The following TJP2 variants were observed in gnomAD, a reference collection of about 807,000 sequenced individuals.
TJP2 encodes the protein tight junction protein 2.
Under a neutral mutation model 133.1 loss-of-function variants are expected in TJP2, and 91 were observed. The observed-to-expected ratio is 0.68, with a 90% CI of 0.58 to 0.81. TJP2 has a LOEUF of 0.81. TJP2 is among the 40% of genes least tolerant of loss of function. The pLI, the probability that TJP2 is intolerant of heterozygous loss-of-function variation, is 0.00. For synonymous variants in TJP2, 592 were observed against 583.4 expected (o/e 1.01, Z -0.21); for missense variants, 1,541 against 1,565.6 (o/e 0.98, Z 0.26).
At chr9:69,183,489 C>T (rs760078371) in intron 1 of TJP2, among the ~76,000 whole-genome samples, 3 of 152,140 alleles carry the variant, frequency 2.0e-5, no homozygotes, top group Non-Finnish European at 2.9e-5. Context: ...GAAATTCATC[C>T]GTATTTGTTG....
At chr9:69,129,745 C>G (rs915727230) in intron 1 of TJP2, among the ~76,000 whole-genome samples, 2 of 151,722 alleles carry the variant, frequency 1.3e-5, no homozygotes, top group Non-Finnish European at 2.9e-5. Context: ...GAGACCAAAG[C>G]CAGGCTCACG....
chr9:69,122,930 A>G (rs957026952), intron 1 of TJP2, among the ~76,000 whole-genome samples: 4 of 152,088 alleles, frequency 2.6e-5, no homozygotes, highest in Non-Finnish European at 4.4e-5. Context: ...CTGTTATTCT[A>G]GTTGCTGATA....
intron 2 of TJP2, among the ~76,000 whole-genome samples, chr9:69,158,779 C>T (rs1281437286): frequency 6.6e-6 from 1 of 152,080 alleles, no homozygotes; most frequent in African/African-American, 2.4e-5. Flanking sequence ...ATTTCCATTT[C>T]ATCTGATAAA....
At chr9:69,164,350 C>T (rs1824239799) in intron 2 of TJP2, among the ~76,000 whole-genome samples, 2 of 152,150 alleles carry the variant, frequency 1.3e-5, no homozygotes, top group Non-Finnish European at 1.5e-5. Context: ...AGAGGGCCCT[C>T]TGGTTTCCCC....
rs1003993737 is a variant in TJP2, at chr9:69,162,845, T to C, written c.-10+11074T>C. ...ACTTTACCACTTTTTGGTGATCTACTTACTGCATAGTTTGAGTGAATAAAC... is the reference window on the plus strand; with the variant it reads ...ACTTTACCACTTTTTGGTGATCTACCTACTGCATAGTTTGAGTGAATAAAC... On this transcript the variant is annotated intron_variant, in intron 2 of 5. Transcript: ENST00000423935. Among the ~76,000 whole-genome samples, 15 of 152,340 alleles carry C rather than the reference T, an allele frequency of 9.8e-5. No individual in the cohort carries two copies. The South Asian group carries it at 2.7e-3, about 27-fold the overall frequency.
At position 69,254,778 on chromosome 9, in the gene TJP2, T is replaced by C; in HGVS notation, c.*404T>C. The C allele has an allele frequency of 2.1e-6, 1 of 484,740 alleles. No homozygotes were observed. Among genetic ancestry groups the C allele is most frequent in the East Asian group, 3.0e-5 (1 of 33,068 alleles). 30.0% of individuals were successfully genotyped at this position (484,740 alleles called of 1,614,324 possible). A position where few individuals can be genotyped will look rare whatever the true frequency, so the allele number is the denominator to read the frequency against. Reference sequence around the variant, plus strand: ...AATGTGAAAAAGGAATAAAAAATACTGTTGGGCTCAAACTAAATTCAAAGA... The same window carrying C: ...AATGTGAAAAAGGAATAAAAAATACCGTTGGGCTCAAACTAAATTCAAAGA... On this transcript the variant is annotated 3_prime_UTR_variant, in exon 23 of 23. Coordinates refer to ENST00000377245, the MANE Select transcript of TJP2 (RefSeq NM_004817.4).
At position 69,235,840 on chromosome 9, in the gene TJP2, A is replaced by G. The variant is rs112646831; in HGVS notation, c.1781-188A>G. Among the ~76,000 whole-genome samples the G allele has an allele frequency of 0.017, 2,609 of 152,272 alleles. 44 individuals carry two copies. The highest frequency in any genetic ancestry group is 0.037 in the Middle Eastern group (11 of 294). ...GCCCAGTCAAGTTGAAATAAAATTA[A>G]CCATTGCAGCAAGCCGTGAAGCTGG... On this transcript the variant is annotated intron_variant, in intron 12 of 22. Coordinates refer to ENST00000377245, the MANE Select transcript of TJP2 (RefSeq NM_004817.4).
intron 9 of TJP2, 141 bp from the exon 10 acceptor site, chr9:69,229,043 C>T (rs1032136097): frequency 1.7e-5 from 13 of 781,304 alleles, no homozygotes; most frequent in African/African-American, 5.2e-5. Context: ...CAGAGTTAAA[C>T]GGCACTTTAG....
rs755620531 is a variant in TJP2, at chr9:69,216,441, G to A, written c.217G>A (p.Gly73Arg). Residue 73 changes from glycine (G) to arginine (R), a missense_variant, in exon 3 of 23, where the codon GGG becomes AGG. Transcript: ENST00000377245. ...TGTCATTTCTGATGTGCTCCCGGGTGGGCCTGCTGATGGGCTGCTCCAGTG... is the reference window on the plus strand; with the variant it reads ...TGTCATTTCTGATGTGCTCCCGGGTAGGCCTGCTGATGGGCTGCTCCAGTG... ...SIVISDVLPG[G>R]PADGLLQEND... 2 of 1,614,152 alleles carry A rather than the reference G, an allele frequency of 1.2e-6. No homozygotes were observed. The highest frequency in any genetic ancestry group is 4.5e-5 in the East Asian group (2 of 44,892).
chr9:69,130,372 G>A (rs1471620333), intron 1 of TJP2, among the ~76,000 whole-genome samples: 2 of 152,226 alleles, frequency 1.3e-5, no homozygotes, highest in African/African-American at 4.8e-5. Flanking sequence ...TAGTGGGATA[G>A]GTGAGTGGAA....
intron 1 of TJP2, among the ~76,000 whole-genome samples, chr9:69,143,997 T>C (rs1409160419): frequency 6.6e-6 from 1 of 152,152 alleles, no homozygotes; most frequent in Admixed American, 6.6e-5. Context: ...AACACAAACA[T>C]TCAATTTTAT....
intron 22 of TJP2, chr9:69,253,744 C>T (rs1831509497): frequency 3.5e-6 from 1 of 281,774 alleles, no homozygotes. Context: ...TGTACCCAGC[C>T]TCTTGTGGCC....
intron 1 of TJP2, among the ~76,000 whole-genome samples, chr9:69,149,043 C>T (rs1226836821): frequency 1.3e-5 from 2 of 152,176 alleles, no homozygotes; most frequent in African/African-American, 4.8e-5. Flanking sequence ...TACATTATCT[C>T]TCAATACTAT....
At chr9:69,138,670 C>A (rs1822880569) in intron 1 of TJP2, among the ~76,000 whole-genome samples, 1 of 152,172 alleles carries the variant, frequency 6.6e-6, no homozygotes, top group Non-Finnish European at 1.5e-5. Flanking sequence ...CTAGTCCCAG[C>A]ACTTTGGGAG....
At chr9:69,176,141 T>A (rs1825068209) in intron 1 of TJP2, among the ~76,000 whole-genome samples, 2 of 152,184 alleles carry the variant, frequency 1.3e-5, no homozygotes, top group Admixed American at 6.5e-5. Flanking sequence ...GTGGGATTGG[T>A]CCTATATGCA....
At chr9:69,185,544 T>C (rs1277485698) in intron 1 of TJP2, among the ~76,000 whole-genome samples, 5 of 152,244 alleles carry the variant, frequency 3.3e-5, no homozygotes, top group Non-Finnish European at 7.3e-5. Flanking sequence ...AGTTTTCAAG[T>C]CTGTAAGTTA....
intron 12 of TJP2, 135 bp from the exon 13 acceptor site, chr9:69,235,893 G>A: frequency 2.6e-6 from 2 of 775,012 alleles, no homozygotes; most frequent in Non-Finnish European, 2.2e-6. Flanking sequence ...TGTTGGAGCT[G>A]TGACTCCCAT....
At chr9:69,235,050 T>A (rs1476232273) in intron 12 of TJP2, among the ~76,000 whole-genome samples, 1 of 152,176 alleles carries the variant, frequency 6.6e-6, no homozygotes, top group Non-Finnish European at 1.5e-5. Context: ...TTGGAATCAA[T>A]AGGAAAGAAA....
At chr9:69,172,078 A>G (rs937285940), upstream of TJP2, among the ~76,000 whole-genome samples, 8 of 152,308 alleles carry the variant, frequency 5.3e-5, no homozygotes, top group African/African-American at 1.9e-4. Flanking sequence ...TACAGGCATG[A>G]GCCACCGCGC....
Sources: allele counts gnomAD v4.1 joint callset (sites outside exome capture counted in the v4.1 genomes callset), GRCh38; gene constraint gnomAD v4.1.1; transcripts MANE v1.5; gene names NCBI Gene and HGNC (gene_info 2026-07-23, HGNC 2026-07-21).